NUDCD3: variants seen among roughly 807,000 people sequenced by gnomAD.
The protein encoded by NUDCD3 is nudC domain-containing protein 3.
A neutral mutation model predicts 39.7 loss-of-function variants in NUDCD3; 13 were observed. That is an observed-to-expected ratio of 0.33 (90% CI 0.21 to 0.52). The LOEUF is 0.52. Ranked by LOEUF, NUDCD3 falls within the 20% of genes least tolerant of loss-of-function variation. The pLI is 0.96. For missense variants in NUDCD3, 453 were observed against 458.1 expected, an observed-to-expected ratio of 0.99 and a Z score of 0.10; for synonymous variants, 175 against 172.4, an observed-to-expected ratio of 1.02 and a Z score of -0.12.
chr7:44,479,895 T>C (rs1800452599), intron 2 of NUDCD3, among the ~76,000 whole-genome samples: 1 of 152,232 alleles, frequency 6.6e-6, no homozygotes, highest in South Asian at 2.1e-4. Context: ...TATTTTCAAA[T>C]CTGCTAAAAC....
chr7:44,416,424 G>A (rs777398147), intron 3 of NUDCD3, among the ~76,000 whole-genome samples: 9 of 151,872 alleles, frequency 5.9e-5, no homozygotes, highest in Admixed American at 2.6e-4. Flanking sequence ...TTAGGAAGTC[G>A]GAGGTTGCAG....
At chr7:44,436,008 G>A (rs528118184) in intron 2 of NUDCD3, among the ~76,000 whole-genome samples, 36 of 152,160 alleles carry the variant, frequency 2.4e-4, no homozygotes, top group African/African-American at 8.2e-4. Context: ...ACAAATAAGT[G>A]GCATGGGACA....
chr7:44,443,661 G>A (rs112473605), intron 2 of NUDCD3, among the ~76,000 whole-genome samples: 8,511 of 152,160 alleles, frequency 0.056, 391 homozygotes, highest in African/African-American at 0.13. Context: ...TCCACCTGCC[G>A]CAGCCTCCTT....
At chr7:44,443,063 C>T (rs1366070766) in intron 2 of NUDCD3, among the ~76,000 whole-genome samples, 2 of 152,142 alleles carry the variant, frequency 1.3e-5, no homozygotes, top group Admixed American at 6.5e-5. Flanking sequence ...AACGTATTCA[C>T]ACAGAAAGCA....
intron 5 of NUDCD3, among the ~76,000 whole-genome samples, chr7:44,388,096 A>G (rs1585047094): frequency 6.6e-6 from 1 of 152,272 alleles, no homozygotes; most frequent in East Asian, 1.9e-4. Context: ...TAAAACAATA[A>G]AAGTATTGTC....
chr7:44,449,451 G>T (rs763854107), intron 2 of NUDCD3, among the ~76,000 whole-genome samples: 6 of 152,192 alleles, frequency 3.9e-5, no homozygotes, highest in African/African-American at 7.2e-5. Context: ...AAGAGTAGAA[G>T]ACAAGGACTG....
intron 2 of NUDCD3, among the ~76,000 whole-genome samples, chr7:44,456,706 T>C (rs1049372557): frequency 6.6e-5 from 10 of 151,104 alleles, no homozygotes; most frequent in African/African-American, 2.4e-4. Context: ...CAGTGAGCCA[T>C]GATTGCACCA....
At chr7:44,478,418 TGGCA>T (rs1368629749) in intron 2 of NUDCD3, among the ~76,000 whole-genome samples, 1 of 152,122 alleles carries the variant, frequency 6.6e-6, no homozygotes, top group African/African-American at 2.4e-5. Flanking sequence ...CCAGGCATGG[TGGCA>T]GGCACCTGCA....
chr7:44,473,940 CTTTCT>C (rs767834345), intron 2 of NUDCD3, among the ~76,000 whole-genome samples: 37 of 152,294 alleles, frequency 2.4e-4, no homozygotes, highest in Middle Eastern at 3.4e-3. Flanking sequence ...TCAAACAAAA[CTTTCT>C]TTTAATTAGG....
intron 2 of NUDCD3, among the ~76,000 whole-genome samples, chr7:44,435,418 C>T (rs912226432): frequency 3.3e-5 from 5 of 152,052 alleles, no homozygotes; most frequent in African/African-American, 9.7e-5. Context: ...TGGCCAAAGA[C>T]GGGACAATCA....
intron 3 of NUDCD3, among the ~76,000 whole-genome samples, chr7:44,420,200 C>A (rs548283306): frequency 3.3e-5 from 5 of 152,040 alleles, no homozygotes; most frequent in African/African-American, 7.2e-5. Context: ...CTTCGTGAAG[C>A]ATACACAAGT....
chr7:44,435,302 A>C (rs551598815), intron 2 of NUDCD3, among the ~76,000 whole-genome samples: 1 of 152,190 alleles, frequency 6.6e-6, no homozygotes. Flanking sequence ...CTGGGACCAG[A>C]ACACACACGG....
intron 4 of NUDCD3, among the ~76,000 whole-genome samples, chr7:44,398,586 G>T (rs1035944591): frequency 6.6e-6 from 1 of 152,140 alleles, no homozygotes; most frequent in South Asian, 2.1e-4. Flanking sequence ...ACCTCAACAT[G>T]AATAAACTTA....
intron 2 of NUDCD3, among the ~76,000 whole-genome samples, chr7:44,458,862 T>G (rs1799950068): frequency 6.6e-6 from 1 of 152,018 alleles, no homozygotes; most frequent in African/African-American, 2.4e-5. Context: ...CAAGCATGTG[T>G]ATGAGCCTGG....
At chr7:44,473,287 T>C (rs1800461974) in intron 2 of NUDCD3, among the ~76,000 whole-genome samples, 1 of 152,206 alleles carries the variant, frequency 6.6e-6, no homozygotes, top group African/African-American at 2.4e-5. Context: ...CCAAACAATA[T>C]GAACATCAGC....
intron 2 of NUDCD3, among the ~76,000 whole-genome samples, chr7:44,430,552 ACCCACACACACACACACT>A (rs1237387739): frequency 7.9e-5 from 11 of 138,954 alleles, no homozygotes; most frequent in African/African-American, 3.1e-4. Context: ...TAAATAAAAT[ACCCACACACACACACACT>A]CACACACACA....
At chr7:44,446,296 T>G (rs1394533013) in intron 2 of NUDCD3, among the ~76,000 whole-genome samples, 3 of 152,152 alleles carry the variant, frequency 2.0e-5, no homozygotes, top group Non-Finnish European at 4.4e-5. Context: ...CAGCTCAACT[T>G]GGAAGGGAAT....
At chr7:44,467,350 A>C (rs1800140927) in intron 2 of NUDCD3, among the ~76,000 whole-genome samples, 1 of 152,104 alleles carries the variant, frequency 6.6e-6, no homozygotes, top group Non-Finnish European at 1.5e-5. Flanking sequence ...CGAAGCGCCC[A>C]CTCCAAGACT....
intron 3 of NUDCD3, among the ~76,000 whole-genome samples, chr7:44,405,659 C>A (rs1341756235): frequency 3.3e-5 from 5 of 152,188 alleles, no homozygotes; most frequent in African/African-American, 1.2e-4. Flanking sequence ...AAAAAGACAA[C>A]CCAAACTGAT....
Sources: allele counts gnomAD v4.1 joint callset (sites outside exome capture counted in the v4.1 genomes callset), GRCh38; gene constraint gnomAD v4.1.1; transcripts MANE v1.5; gene names NCBI Gene and HGNC (gene_info 2026-07-23, HGNC 2026-07-21).